EIF3M: variants seen among roughly 807,000 people sequenced by gnomAD.
EIF3M encodes eukaryotic translation initiation factor 3 subunit M.
In EIF3M, 25 loss-of-function variants were observed where a neutral mutation model predicts 49.7. The ratio of observed to expected loss-of-function variants is 0.50; its 90% CI spans 0.37 to 0.70. The LOEUF is 0.70. Ranked by LOEUF, EIF3M falls within the 30% of genes least tolerant of loss-of-function variation. The pLI is 0.00. For synonymous variants in EIF3M, 156 were observed against 149.8 expected (o/e 1.04, Z -0.30); for missense variants, 350 against 440.0 (o/e 0.80, Z 1.83).
intron 9 of EIF3M, chr11:32,601,506 A>T (rs796313294): frequency 0.3 from 36,358 of 121,394 alleles, 2,079 homozygotes; most frequent in South Asian, 0.4. Flanking sequence ...TTCTTTAAAA[A>T]AAAAAAAAAA....
intron 5 of EIF3M, among the ~76,000 whole-genome samples, chr11:32,593,369 T>C (rs1329575477): frequency 6.6e-6 from 1 of 152,228 alleles, no homozygotes; most frequent in African/African-American, 2.4e-5. Flanking sequence ...TAGAGTTATT[T>C]AAATATTTGG....
At chr11:32,596,377 G>A (rs1021189909) in intron 8 of EIF3M, among the ~76,000 whole-genome samples, 15 of 152,042 alleles carry the variant, frequency 9.9e-5, no homozygotes, top group African/African-American at 3.6e-4. Context: ...GGATCACGAG[G>A]TCAGGAGGTC....
At position 32,589,021 on chromosome 11, in the gene EIF3M, C is replaced by A. The variant is rs759393884; in HGVS notation, c.324C>A (p.Asn108Lys). Reference protein sequence around the residue: ...RPSLRLQLLSNLFHGMDKNTP... With the variant: ...RPSLRLQLLSKLFHGMDKNTP... ...TTTGTTAACCAACCAGGTTAAGCAA[C>A]CTTTTCCACGGGATGGATAAGAATA... is the stretch of plus-strand genomic sequence containing the variant. Residue 108 changes from asparagine to lysine, a missense_variant, in exon 4 of 11, where the codon AAC becomes AAA. By Grantham distance (94) the Asn-to-Lys change is moderately conservative (BLOSUM62 0). Coordinates refer to ENST00000531120, the MANE Select transcript of EIF3M (RefSeq NM_006360.6). The A allele has an allele frequency of 6.8e-6, 11 of 1,613,718 alleles. No homozygotes were observed. In the South Asian group the frequency reaches 1.2e-4, roughly 18 times the overall value.
In EIF3M at chr11:32,602,450, G is replaced by A. The variant is rs747327870; in HGVS notation, c.*51G>A. On this transcript the variant is annotated 3_prime_UTR_variant, in exon 11 of 11. Transcript: ENST00000531120. The stretch of plus-strand genomic sequence containing the variant: ...TTTGAAAAAAAAGCCCTAAATCATA[G>A]TAAAACATTATAAACTAAAAAAATT... 2 of 1,578,874 alleles carry A rather than the reference G, an allele frequency of 1.3e-6. No homozygotes were observed. Among genetic ancestry groups the A allele is most frequent in the East Asian group, 2.3e-5 (1 of 44,360 alleles).
intron 8 of EIF3M, among the ~76,000 whole-genome samples, chr11:32,600,348 A>C (rs1248245627): frequency 6.6e-6 from 1 of 151,286 alleles, no homozygotes; most frequent in Non-Finnish European, 1.5e-5. Context: ...TGTTCTTATG[A>C]AATGTACTTT....
At chr11:32,600,637 A>G in intron 8 of EIF3M, 52 bp from the exon 9 acceptor site, 1 of 1,472,858 alleles carries the variant, frequency 6.8e-7, no homozygotes, top group Non-Finnish European at 9.0e-7. Context: ...GTAATTGTGC[A>G]GGTCTTTAAT....
intron 5 of EIF3M, chr11:32,593,650 C>A (rs933849252): frequency 2.6e-5 from 9 of 346,712 alleles, no homozygotes; most frequent in African/African-American, 1.7e-4. Context: ...ATTAAATCAC[C>A]ATTTATTTCC....
chr11:32,586,977 C>T (rs762386981), intron 1 of EIF3M, 35 bp from the exon 2 acceptor site: 4 of 1,536,774 alleles, frequency 2.6e-6, no homozygotes, highest in Non-Finnish European at 1.8e-6. Context: ...CTTTGTCATT[C>T]GTAGTCAGTT....
rs754082814 is a variant in EIF3M, at chr11:32,593,964, T to C, written c.617+15T>C. On this transcript the variant is annotated intron_variant, in intron 6 of 10. Transcript: ENST00000531120. ...GATGCCCACAGGTAATGTTAAACGT[T>C]ACTCTGATGAGGGTTTGACAGCGAT... 6.7e-7 allele frequency: 1 copy of C among 1,490,092 alleles called. No homozygotes were observed. Among genetic ancestry groups the C allele is most frequent in the South Asian group, 1.4e-5 (1 of 72,198 alleles). 92.3% of individuals were successfully genotyped at this position (1,490,092 alleles called of 1,614,324 possible). A position where few individuals can be genotyped will look rare whatever the true frequency, so the allele number is the denominator to read the frequency against.
chr11:32,584,379 G>T (rs188116843), intron 1 of EIF3M: 1,964 of 170,094 alleles, frequency 0.012, 38 homozygotes, highest in African/African-American at 0.045. Flanking sequence ...ACGCCGAGGC[G>T]GGCAGATCAC....
intron 5 of EIF3M, among the ~76,000 whole-genome samples, chr11:32,590,445 C>T (rs554177712): frequency 3.3e-5 from 5 of 152,300 alleles, no homozygotes; most frequent in African/African-American, 1.2e-4. Flanking sequence ...CAGAAACACC[C>T]CTCTCATATT....
At chr11:32,602,152 T>A in intron 10 of EIF3M, 127 bp from the exon 11 acceptor site, 1 of 1,323,662 alleles carries the variant, frequency 7.6e-7, no homozygotes, top group Non-Finnish European at 1.0e-6. Flanking sequence ...AATTCTTAAA[T>A]TCTCTTACTA....
At chr11:32,596,520 G>A (rs758992582) in intron 8 of EIF3M, among the ~76,000 whole-genome samples, 1 of 151,568 alleles carries the variant, frequency 6.6e-6, no homozygotes, top group South Asian at 2.1e-4. Flanking sequence ...GCTTGAACCC[G>A]GGAGATGGAG....
At chr11:32,588,785 A>G in intron 3 of EIF3M, 53 bp downstream of exon 3, 1 of 1,609,426 alleles carries the variant, frequency 6.2e-7, no homozygotes, top group Non-Finnish European at 8.5e-7. Flanking sequence ...TTTTCATGTT[A>G]CTAACTTTTA....
Position 32,583,875 on chromosome 11 carries a change from C to G in EIF3M, c.-13C>G, listed in dbSNP as rs370472564. The G allele has an allele frequency of 3.1e-6, 5 of 1,612,766 alleles. No individual in the cohort carries two copies. Among genetic ancestry groups the G allele is most frequent in the Non-Finnish European group, 4.2e-6 (5 of 1,179,276 alleles). On this transcript the variant is annotated 5_prime_UTR_variant, in exon 1 of 11. Transcript: ENST00000531120. ...CTTGCGAGTGGAGTGTCCGCTGTGCCCGGGCCTGCACCATGAGCGTCCCGG... is the reference window on the plus strand; with the variant it reads ...CTTGCGAGTGGAGTGTCCGCTGTGCGCGGGCCTGCACCATGAGCGTCCCGG...
intron 9 of EIF3M, 196 bp from the exon 10 acceptor site, chr11:32,601,566 C>G (rs1565051796): frequency 4.3e-6 from 2 of 463,270 alleles, no homozygotes; most frequent in Non-Finnish European, 7.7e-6. Context: ...ATAGATTGTC[C>G]CAGCAGCCAT....
rs1007605568 is a variant in EIF3M, at chr11:32,600,607, T to A, written c.800-82T>A. On this transcript the variant is annotated intron_variant, in intron 8 of 10. Coordinates refer to ENST00000531120, the MANE Select transcript of EIF3M (RefSeq NM_006360.6). ...CACAATTACAAAAGTAAAAATAATTTCCACAGCTTAACATGAGATGTAATT... is the reference window on the plus strand; with the variant it reads ...CACAATTACAAAAGTAAAAATAATTACCACAGCTTAACATGAGATGTAATT... 4 of 1,377,156 alleles carry A rather than the reference T, an allele frequency of 2.9e-6. No individual in the cohort carries two copies. The Admixed American group carries it at 9.0e-5, about 31-fold the overall frequency. 85.3% of individuals were successfully genotyped at this position (1,377,156 alleles called of 1,614,324 possible). A position where few individuals can be genotyped will look rare whatever the true frequency, so the allele number is the denominator to read the frequency against.
At chr11:32,587,728 C>T (rs1418277619) in intron 2 of EIF3M, among the ~76,000 whole-genome samples, 1 of 152,162 alleles carries the variant, frequency 6.6e-6, no homozygotes, top group Non-Finnish European at 1.5e-5. Flanking sequence ...ATCTAATAGC[C>T]ATTTAATTAT....
At chr11:32,586,407 A>G (rs1854998514) in intron 1 of EIF3M, among the ~76,000 whole-genome samples, 1 of 152,220 alleles carries the variant, frequency 6.6e-6, no homozygotes, top group Non-Finnish European at 1.5e-5. Context: ...ATGCTGACTC[A>G]GATATGCATT....
Sources: allele counts gnomAD v4.1 joint callset (sites outside exome capture counted in the v4.1 genomes callset), GRCh38; gene constraint gnomAD v4.1.1; transcripts MANE v1.5; gene names NCBI Gene and HGNC (gene_info 2026-07-23, HGNC 2026-07-21).